PLEC: variants seen among roughly 807,000 people sequenced by gnomAD.
PLEC encodes the protein plectin.
PLEC carries 216 observed loss-of-function variants against 392.8 expected under a neutral mutation model. That is an observed-to-expected ratio of 0.55 (90% confidence interval 0.49 to 0.62). The LOEUF (loss-of-function observed/expected upper bound fraction) is 0.62, where lower values mean the gene tolerates loss of function less well. Among genes scored for constraint, PLEC ranks in the 20% least tolerant of loss-of-function variants. The probability of loss-of-function intolerance (pLI) is 0.00; values close to 1 mark genes in which losing one functional copy is unlikely to be tolerated. For missense variants in PLEC, 6,863 were observed against 6,563.4 expected (o/e 1.05, Z -1.58); for synonymous variants, 3,621 against 2,980.6 (o/e 1.21, Z -7.00).
chr8:143,942,263 C>T (rs990245547), upstream of PLEC: 2 of 1,038,114 alleles, frequency 1.9e-6, no homozygotes, highest in Admixed American at 2.4e-5. Context: ...AGCTCGGGGG[C>T]AAGGCTGCAC....
Position 143,923,465 on chromosome 8 carries a change from G to T in PLEC, c.6464C>A (p.Ala2155Glu). The T allele has an allele frequency of 1.2e-6, 2 of 1,605,840 alleles. No individual in the cohort carries two copies. The change falls in exon 31 of 32, where the codon GCG becomes GAG. Residue 2155 changes from alanine (A) to glutamate (E), a missense_variant. Physicochemically the swap from Ala to Glu is moderately radical, Grantham distance 107. Coordinates refer to ENST00000345136, the MANE Select transcript of PLEC (RefSeq NM_201384.3). Reference protein sequence around the residue: ...EAARRAQAEQAALRQKQAADA... With the variant: ...EAARRAQAEQEALRQKQAADA... ...AGCTGCCTGCTTCTGCCGCAGGGCCGCCTGCTCCGCCTGTGCCCGCCGCGC... is the reference window on the plus strand; with the variant it reads ...AGCTGCCTGCTTCTGCCGCAGGGCCTCCTGCTCCGCCTGTGCCCGCCGCGC...
chr8:143,939,630 C>A, upstream of PLEC: 2 of 1,431,838 alleles, frequency 1.4e-6, no homozygotes, highest in Non-Finnish European at 1.8e-6. Flanking sequence ...CTGCTGTACT[C>A]CCCGGCGAGG....
Position 143,925,852 on chromosome 8 carries a change from G to A in PLEC, c.4077C>T (p.Arg1359=), listed in dbSNP as rs553047216. The A allele has an allele frequency of 1.3e-4, 199 of 1,549,110 alleles. No homozygotes were observed. Among genetic ancestry groups the A allele is most frequent in the East Asian group, 1.7e-4 (7 of 42,022 alleles). ...CGGCCTCCACCTCGGCCAGCCGCTC[G>A]CGCTCCTCTGCCCGCTGCTGCTCAG... ...RLAEQQRAEE[R]ERLAEVEAAL... The change falls in exon 31 of 32, where the codon CGC becomes CGT. Residue 1359 remains arginine, a synonymous_variant. Coordinates refer to ENST00000345136, the MANE Select transcript of PLEC (RefSeq NM_201384.3).
rs541202054 is a variant in PLEC at position 143,967,033 on chromosome 8, T to A, written c.70+6370A>T. 5.8e-4 allele frequency among the ~76,000 whole-genome samples: 88 copies of A among 152,178 alleles called. 2 individuals carry two copies. The highest frequency in any genetic ancestry group is 1.8e-3 in the African/African-American group (74 of 41,522). On this transcript the variant is annotated intron_variant, in intron 1 of 31. Transcript: ENST00000356346. ...ATAAAATCCAGAAATCATAAAAGAC[T>A]GGTGAGTGTTAAAAATTGATATGGC...
In PLEC at chr8:143,924,389, C is replaced by T. The variant is rs577374823; in HGVS notation, c.5540G>A (p.Arg1847Gln). 181 of 1,595,228 alleles carry T rather than the reference C, an allele frequency of 1.1e-4. 4 individuals carry two copies. In the South Asian group the frequency reaches 1.6e-3, roughly 14 times the overall value. The change falls in exon 31 of 32, where the codon CGG becomes CAG. Residue 1847 changes from arginine to glutamine, a missense_variant. Coordinates refer to ENST00000345136, the MANE Select transcript of PLEC (RefSeq NM_201384.3). The part of the protein sequence containing the change: ...EKLAAIGEAT[R>Q]LKTEAEIALK... ...CGCGATCTCCGCCTCCGTCTTGAGC[C>T]GCGTGGCCTCGCCGATGGCGGCCAG...
At chr8:143,963,085 A>T (rs1832941034) in intron 1 of PLEC, among the ~76,000 whole-genome samples, 1 of 152,110 alleles carries the variant, frequency 6.6e-6, no homozygotes, top group Non-Finnish European at 1.5e-5. Context: ...ATCCGAGTGA[A>T]CCCTTCTCTC....
In PLEC at chr8:143,936,003, G is replaced by A. The variant is rs368440063; in HGVS notation, c.447C>T (p.Ile149=). 6.2e-6 allele frequency: 10 copies of A among 1,611,936 alleles called. No homozygotes were observed. The African/African-American group carries it at 1.1e-4, about 17-fold the overall frequency. ...TGTCCTCCGACTGCCCACTCACCTGGATATCTGAGATCTGCTCACAGCAGA... is the reference window on the plus strand; with the variant it reads ...TGTCCTCCGACTGCCCACTCACCTGAATATCTGAGATCTGCTCACAGCAGA... ...TIILHFQISD[I]QVSGQSEDMT... The change falls in exon 6 of 32, where the codon ATC becomes ATT. Residue 149 remains isoleucine, a synonymous_variant. Coordinates refer to ENST00000345136, the MANE Select transcript of PLEC (RefSeq NM_201384.3).
At chr8:143,935,375 C>G (rs951121149) in intron 6 of PLEC, 62 bp from the exon 7 acceptor site, 2 of 1,164,292 alleles carry the variant, frequency 1.7e-6, no homozygotes, top group Admixed American at 1.9e-5. Context: ...ACCACACAGG[C>G]GGGTGCACAG....
Position 143,917,916 on chromosome 8 carries a change from C to T in PLEC, c.11905G>A (p.Ala3969Thr), listed in dbSNP as rs1554673504. ...ATGACGTAACCGGTGGCCGCCTGCGCCTCCAGGAGCTCAAAGGCTGTGCCG... is the reference window on the plus strand; with the variant it reads ...ATGACGTAACCGGTGGCCGCCTGCGTCTCCAGGAGCTCAAAGGCTGTGCCG... ...RPGTAFELLE[A>T]QAATGYVIDP... The change falls in exon 32 of 32, where the codon GCG becomes ACG. Residue 3969 changes from alanine to threonine, a missense_variant. By Grantham distance (58) the Ala-to-Thr change is moderately conservative (BLOSUM62 0). Coordinates refer to ENST00000345136, the MANE Select transcript of PLEC (RefSeq NM_201384.3). 2 of 1,613,214 alleles carry T rather than the reference C, an allele frequency of 1.2e-6. No homozygotes were observed. The highest frequency in any genetic ancestry group is 1.7e-6 in the Non-Finnish European group (2 of 1,180,008).
In PLEC at chr8:143,915,988, G is replaced by A. The variant is rs1455299414; in HGVS notation, c.*189C>T. On this transcript the variant is annotated 3_prime_UTR_variant, in exon 32 of 32. Coordinates refer to ENST00000345136, the MANE Select transcript of PLEC (RefSeq NM_201384.3). Reference sequence around the variant, plus strand: ...GGGGGTGAGGCGGCCAGCAGGGCTGGGCCAGCCCTGTCCCCCAAGATACAG... The same window carrying A: ...GGGGGTGAGGCGGCCAGCAGGGCTGAGCCAGCCCTGTCCCCCAAGATACAG... 3 of 494,802 alleles carry A rather than the reference G, an allele frequency of 6.1e-6. No homozygotes were observed. In the African/African-American group the frequency reaches 6.3e-5, roughly 10 times the overall value. The allele number at this position is 494,802 out of a possible 1,614,324, so 30.7% of individuals were successfully genotyped here.
At chr8:143,946,649 G>C (rs1172964099) in intron 1 of PLEC, 1 of 301,354 alleles carries the variant, frequency 3.3e-6, no homozygotes. Context: ...CCCAGCCCAC[G>C]GGTCTTCCCT....
At chr8:143,941,056 C>G (rs1037292395), upstream of PLEC, among the ~76,000 whole-genome samples, 2 of 152,366 alleles carry the variant, frequency 1.3e-5, no homozygotes, top group East Asian at 3.9e-4. Context: ...AAGGGCACCC[C>G]GGACCCCACA....
Position 143,930,206 on chromosome 8 carries a change from G to A in PLEC, c.2550C>T (p.Ala850=), listed in dbSNP as rs376777606. 1.5e-5 allele frequency: 24 copies of A among 1,580,468 alleles called. No homozygotes were observed. In the South Asian group the frequency reaches 1.6e-4, roughly 10 times the overall value. Residue 850 remains alanine (A), a synonymous_variant, in exon 21 of 32, where the codon GCC becomes GCT. Transcript: ENST00000345136. ...GCACCAGGAAGCACACGGAGGGCAC[G>A]GCGGCCTCGCTGCCGGAGCTGCTGA... ...KVLSSSGSEA[A]VPSVCFLVPP...
chr8:143,920,678 A>T lies in PLEC; in HGVS notation c.9143T>A (p.Leu3048Gln), dbSNP rs1554682604. ...LSIYNALKKD[L>Q]LPSDMAVALL... ...GGCCACGGCCATGTCGGATGGCAGC[A>T]GGTCTTTCTTCAGGGCATTGTAGAT... The change falls in exon 32 of 32, where the codon CTG becomes CAG. Residue 3048 changes from leucine (L) to glutamine (Q), a missense_variant. Physicochemically the swap from Leu to Gln is moderately radical, Grantham distance 113. Transcript: ENST00000345136. 6.2e-7 allele frequency: 1 copy of T among 1,603,214 alleles called. No individual in the cohort carries two copies. Among genetic ancestry groups the T allele is most frequent in the South Asian group, 1.1e-5 (1 of 91,084 alleles).
chr8:143,952,976 C>G (rs1247820989), upstream of PLEC, among the ~76,000 whole-genome samples: 5 of 141,422 alleles, frequency 3.5e-5, no homozygotes, highest in East Asian at 2.1e-4. Flanking sequence ...CACACGCCCC[C>G]CTGCGGCATG....
chr8:143,932,995 T>C lies in PLEC; in HGVS notation c.1535A>G (p.Gln512Arg). 1 of 1,608,968 alleles carries C rather than the reference T, an allele frequency of 6.2e-7. No individual in the cohort carries two copies. Among genetic ancestry groups the C allele is most frequent in the Non-Finnish European group, 8.5e-7 (1 of 1,178,478 alleles). ...QVAQVTLQSV[Q>R]RRPELEDSTL... ...GGAGTCCTCCAGCTCGGGGCGCCTC[T>C]GCACACTCTGCAGAGTCACCTGGGC... is the stretch of plus-strand genomic sequence containing the variant. Residue 512 changes from glutamine to arginine, a missense_variant, in exon 14 of 32, where the codon CAG becomes CGG. Physicochemically the swap from Gln to Arg is conservative, Grantham distance 43. Coordinates refer to ENST00000345136, the MANE Select transcript of PLEC (RefSeq NM_201384.3).
In PLEC at chr8:143,930,486, G is replaced by C; in HGVS notation, c.2355C>G (p.Ala785=). 1 of 1,595,272 alleles carries C rather than the reference G, an allele frequency of 6.3e-7. No individual in the cohort carries two copies. Among genetic ancestry groups the C allele is most frequent in the Non-Finnish European group, 8.5e-7 (1 of 1,171,462 alleles). ...NEYKGHLSGL[A]KRAKAVVQLK... is the part of the protein sequence containing the mutation. ...GCTGCACGACGGCCTTGGCCCGCTT[G>C]GCCAGGCCTGAGAGGTGGCCCTTGT... is the stretch of plus-strand genomic sequence containing the variant. Residue 785 remains alanine, a synonymous_variant, in exon 20 of 32, where the codon GCC becomes GCG. Transcript: ENST00000345136.
In PLEC at chr8:143,919,750, G is replaced by A. The variant is rs782511815; in HGVS notation, c.10071C>T (p.Leu3357=). The change falls in exon 32 of 32, where the codon CTC becomes CTT. Residue 3357 remains leucine (L), a synonymous_variant. Coordinates refer to ENST00000345136, the MANE Select transcript of PLEC (RefSeq NM_201384.3). The part of the protein sequence containing the change: ...VRTLLQGSGC[L]AGIYLEDTKE... ...TGGTGTCCTCCAGGTAGATGCCGGC[G>A]AGGCAGCCACTGCCCTGCAGCAGCG... 40 of 1,609,102 alleles carry A rather than the reference G, an allele frequency of 2.5e-5. No individual in the cohort carries two copies. The highest frequency in any genetic ancestry group is 1.4e-4 in the South Asian group (13 of 91,032).
chr8:143,957,653 C>G (rs1395018963), upstream of PLEC, among the ~76,000 whole-genome samples: 1 of 152,222 alleles, frequency 6.6e-6, no homozygotes, highest in East Asian at 1.9e-4. Context: ...TCCCCAGGCC[C>G]TGGCTGCCCT....
Sources: allele counts gnomAD v4.1 joint callset (sites outside exome capture counted in the v4.1 genomes callset), GRCh38; gene constraint gnomAD v4.1.1; transcripts MANE v1.5; gene names NCBI Gene and HGNC (gene_info 2026-07-23, HGNC 2026-07-21).